GPC6: variants seen among roughly 807,000 people sequenced by gnomAD.
GPC6 encodes the protein glypican-6.
GPC6 carries 14 observed loss-of-function variants against 55.2 expected under a neutral mutation model. That is an observed-to-expected ratio of 0.25 (90% CI 0.17 to 0.40). The LOEUF (loss-of-function observed/expected upper bound fraction) is 0.40. Among genes scored for constraint, GPC6 ranks in the 10% least tolerant of loss-of-function variants. The pLI is 1.00. For missense variants in GPC6, 641 were observed against 708.5 expected, an observed-to-expected ratio of 0.90 and a Z score of 1.08; for synonymous variants, 278 against 259.6, an observed-to-expected ratio of 1.07 and a Z score of -0.68.
intron 2 of GPC6, among the ~76,000 whole-genome samples, chr13:93,803,940 G>A (rs1320760694): frequency 6.6e-6 from 1 of 152,080 alleles, no homozygotes; most frequent in African/African-American, 2.4e-5. Flanking sequence ...CTGCTAATGT[G>A]TATGGAATTA....
At chr13:93,298,701 G>A (rs1250513114) in intron 1 of GPC6, among the ~76,000 whole-genome samples, 1 of 151,750 alleles carries the variant, frequency 6.6e-6, no homozygotes, top group Non-Finnish European at 1.5e-5. Flanking sequence ...GCCCGCCTCA[G>A]CCTCCCAAAG....
At chr13:93,977,134 T>C (rs1022922319) in intron 3 of GPC6, among the ~76,000 whole-genome samples, 2 of 152,258 alleles carry the variant, frequency 1.3e-5, no homozygotes, top group Non-Finnish European at 2.9e-5. Context: ...AGGGTTCAAA[T>C]TGTTTTCATT....
chr13:93,728,970 T>C (rs905714267), intron 2 of GPC6, among the ~76,000 whole-genome samples: 1 of 152,202 alleles, frequency 6.6e-6, no homozygotes, highest in Admixed American at 6.5e-5. Context: ...CTACAACTAA[T>C]GGTTGCTGAA....
chr13:94,265,907 A>G (rs1338560294), intron 4 of GPC6, among the ~76,000 whole-genome samples: 5 of 152,226 alleles, frequency 3.3e-5, no homozygotes, highest in South Asian at 2.1e-4. Context: ...GCTGAAAAAC[A>G]TATCAGCAGA....
chr13:93,962,878 A>C (rs942912242), intron 3 of GPC6, among the ~76,000 whole-genome samples: 2 of 152,192 alleles, frequency 1.3e-5, no homozygotes, highest in African/African-American at 4.8e-5. Flanking sequence ...AATATTTCAC[A>C]GCAATGGCAA....
At chr13:93,346,561 T>G (rs896422568) in intron 1 of GPC6, among the ~76,000 whole-genome samples, 21 of 152,320 alleles carry the variant, frequency 1.4e-4, no homozygotes, top group African/African-American at 4.8e-4. Flanking sequence ...TTTTGCCTTT[T>G]ATGTCCCCAA....
At chr13:94,214,383 C>T (rs371285724) in intron 4 of GPC6, among the ~76,000 whole-genome samples, 1 of 152,214 alleles carries the variant, frequency 6.6e-6, no homozygotes, top group Non-Finnish European at 1.5e-5. Flanking sequence ...CAGATTCAGT[C>T]AGGCTTGGGT....
At chr13:93,882,619 T>C (rs1014538220) in intron 3 of GPC6, among the ~76,000 whole-genome samples, 1 of 152,130 alleles carries the variant, frequency 6.6e-6, no homozygotes, top group Non-Finnish European at 1.5e-5. Flanking sequence ...TGTAAAGTTC[T>C]ATGGGTTTTG....
At chr13:93,728,195 T>C (rs925358670) in intron 2 of GPC6, among the ~76,000 whole-genome samples, 69 of 114,396 alleles carry the variant, frequency 6.0e-4, no homozygotes, top group Admixed American at 1.4e-3. Context: ...TTTCAAGTTA[T>C]CTTTTTGGTT....
chr13:94,067,099 G>T (rs1452513919), intron 4 of GPC6, among the ~76,000 whole-genome samples: 1 of 151,986 alleles, frequency 6.6e-6, no homozygotes, highest in Non-Finnish European at 1.5e-5. Context: ...CCTTCTTTGC[G>T]ACTAATGAGG....
At chr13:94,341,791 G>A (rs931474285) in intron 6 of GPC6, among the ~76,000 whole-genome samples, 2 of 152,144 alleles carry the variant, frequency 1.3e-5, no homozygotes, top group African/African-American at 4.8e-5. Flanking sequence ...TGATTTCCCC[G>A]AGTAAGGTTT....
At chr13:93,413,299 G>C (rs1209475944) in intron 1 of GPC6, among the ~76,000 whole-genome samples, 1 of 152,126 alleles carries the variant, frequency 6.6e-6, no homozygotes, top group Non-Finnish European at 1.5e-5. Context: ...TGATAGGAGT[G>C]ATTATTGCAG....
intron 2 of GPC6, among the ~76,000 whole-genome samples, chr13:93,815,965 A>G (rs1594481226): frequency 6.6e-6 from 1 of 152,292 alleles, no homozygotes; most frequent in East Asian, 1.9e-4. Flanking sequence ...AAAGGTGGTA[A>G]AAGGTGTCTT....
intron 1 of GPC6, among the ~76,000 whole-genome samples, chr13:93,351,382 A>C (rs549668755): frequency 5.9e-5 from 9 of 152,106 alleles, no homozygotes; most frequent in African/African-American, 1.9e-4. Flanking sequence ...GATAACAATT[A>C]TAAGGTGATT....
intron 4 of GPC6, among the ~76,000 whole-genome samples, chr13:94,104,018 T>C (rs1885964496): frequency 6.6e-6 from 1 of 152,202 alleles, no homozygotes. Flanking sequence ...TGGTTTTAGG[T>C]CTAACAGTTA....
chr13:93,806,827 A>C, intron 2 of GPC6, among the ~76,000 whole-genome samples: 1 of 152,152 alleles, frequency 6.6e-6, no homozygotes, highest in East Asian at 1.9e-4. Context: ...CCTGACTCTA[A>C]TTGCTTCATA....
chr13:93,682,682 G>GA lies in GPC6; in HGVS notation c.319+137269dup, dbSNP rs544280688. Among the ~76,000 whole-genome samples the GA allele has an allele frequency of 2.0e-3, 306 of 151,378 alleles. 1 individual carries two copies. Among genetic ancestry groups the GA allele is most frequent in the African/African-American group, 6.4e-3 (266 of 41,310 alleles). ...TTATCAGAATCTGCCCATTTTCTTT[G>GA]AAAAAAAATATATACATCTTTAGAA... On this transcript the variant is annotated intron_variant, in intron 2 of 8. Coordinates refer to ENST00000377047, the MANE Select transcript of GPC6 (RefSeq NM_005708.5).
intron 7 of GPC6, 39 bp from the exon 8 acceptor site, chr13:94,398,427 G>GC (rs756535280): frequency 6.8e-7 from 1 of 1,476,060 alleles, no homozygotes; most frequent in Non-Finnish European, 9.5e-7. Context: ...AGTTTCTGTG[G>GC]CATCTCCCTG....
At chr13:94,364,899 G>A (rs1263531637) in intron 6 of GPC6, among the ~76,000 whole-genome samples, 3 of 152,158 alleles carry the variant, frequency 2.0e-5, no homozygotes, top group Non-Finnish European at 4.4e-5. Flanking sequence ...TTGCAAATAA[G>A]GGCATGTCGA....
Sources: allele counts gnomAD v4.1 joint callset (sites outside exome capture counted in the v4.1 genomes callset), GRCh38; gene constraint gnomAD v4.1.1; transcripts MANE v1.5; gene names NCBI Gene and HGNC (gene_info 2026-07-23, HGNC 2026-07-21).